MFSD8: variants seen among roughly 807,000 people sequenced by gnomAD.
MFSD8 encodes the protein major facilitator superfamily domain containing 8.
Under a neutral mutation model 66.4 loss-of-function variants are expected in MFSD8, and 55 were observed. The observed-to-expected ratio is 0.83, with a 90% CI of 0.67 to 1.04. The LOEUF is 1.04. Among genes scored for constraint, MFSD8 ranks in the 50% least tolerant of loss-of-function variants. The probability of loss-of-function intolerance (pLI) is 0.00; values close to 1 mark genes in which losing one functional copy is unlikely to be tolerated. For missense variants in MFSD8, 550 were observed against 627.6 expected, an observed-to-expected ratio of 0.88 and a Z score of 1.32; for synonymous variants, 202 against 212.8, an observed-to-expected ratio of 0.95 and a Z score of 0.44.
At chr4:127,954,597 C>A (rs1033406049) in intron 2 of MFSD8, among the ~76,000 whole-genome samples, 2 of 152,048 alleles carry the variant, frequency 1.3e-5, no homozygotes, top group African/African-American at 4.8e-5. Context: ...ACTTGGGCAA[C>A]AAAGCAAGAC....
intron 4 of MFSD8, among the ~76,000 whole-genome samples, chr4:127,942,939 T>C (rs1276283745): frequency 6.6e-6 from 1 of 152,076 alleles, no homozygotes; most frequent in East Asian, 1.9e-4. Context: ...AAAGTTTAGG[T>C]TGGGAATGGT....
At chr4:127,925,023 A>G (rs1174938472) in intron 9 of MFSD8, among the ~76,000 whole-genome samples, 1 of 152,222 alleles carries the variant, frequency 6.6e-6, no homozygotes, top group Non-Finnish European at 1.5e-5. Context: ...TGGTGTTGGG[A>G]AAACTGGCTA....
At chr4:127,939,182 AT>A (rs1739659199) in intron 6 of MFSD8, 2 of 167,452 alleles carry the variant, frequency 1.2e-5, no homozygotes, top group South Asian at 3.6e-4. Flanking sequence ...ATTTTAAAAA[AT>A]TTTTTCGAAT....
chr4:127,953,356 C>T (rs914008030), intron 2 of MFSD8, among the ~76,000 whole-genome samples: 23 of 151,330 alleles, frequency 1.5e-4, no homozygotes, highest in African/African-American at 5.1e-4. Context: ...GGCATGGTGC[C>T]GCATGCCTGT....
intron 9 of MFSD8, among the ~76,000 whole-genome samples, chr4:127,923,916 G>A (rs991965179): frequency 1.3e-5 from 2 of 151,992 alleles, no homozygotes; most frequent in South Asian, 2.1e-4. Flanking sequence ...TTTTCGCATC[G>A]ATGTTCATCA....
At chr4:127,947,192 T>A (rs1271950697) in intron 3 of MFSD8, among the ~76,000 whole-genome samples, 1 of 151,502 alleles carries the variant, frequency 6.6e-6, no homozygotes, top group Non-Finnish European at 1.5e-5. Context: ...GCGTTCGAGA[T>A]CAGCCTAGCC....
intron 2 of MFSD8, among the ~76,000 whole-genome samples, chr4:127,953,552 T>G (rs1742374996): frequency 2.9e-5 from 4 of 135,928 alleles, no homozygotes; most frequent in East Asian, 4.2e-4. Flanking sequence ...TGTTTTTTTT[T>G]TTTTTTTTTT....
chr4:127,939,655 C>CT lies in MFSD8; in HGVS notation c.698+197dup, dbSNP rs556274801. The CT allele has an allele frequency of 1.2e-3, 384 of 308,228 alleles. 2 individuals are homozygous for CT. Among genetic ancestry groups the CT allele is most frequent in the African/African-American group, 8.3e-3 (359 of 43,382 alleles). 19.1% of individuals were successfully genotyped at this position (308,228 alleles called of 1,614,324 possible). Reference sequence around the variant, plus strand: ...AAACTTTGAATCTTCAAAGACCTTCCTTTTCTGTTCTCATTTATCAGGTTG... The same window carrying CT: ...AAACTTTGAATCTTCAAAGACCTTCCTTTTTCTGTTCTCATTTATCAGGTTG... On this transcript the variant is annotated intron_variant, in intron 6 of 11. Coordinates refer to ENST00000641686, the MANE Select transcript of MFSD8 (RefSeq NM_001371596.2).
At chr4:127,926,096 G>A (rs1052245515) in intron 9 of MFSD8, among the ~76,000 whole-genome samples, 2 of 151,724 alleles carry the variant, frequency 1.3e-5, no homozygotes, top group Non-Finnish European at 2.9e-5. Context: ...GGGGTGGGGG[G>A]CTAGAGGAGG....
At chr4:127,928,918 G>A (rs11735635) in intron 9 of MFSD8, among the ~76,000 whole-genome samples, 1 of 151,892 alleles carries the variant, frequency 6.6e-6, no homozygotes, top group South Asian at 2.1e-4. Context: ...ACCATGAAAT[G>A]CCATCATTTG....
intron 8 of MFSD8, among the ~76,000 whole-genome samples, chr4:127,931,409 G>A (rs1738104612): frequency 6.6e-6 from 1 of 152,154 alleles, no homozygotes; most frequent in Non-Finnish European, 1.5e-5. Flanking sequence ...CTGGGCTGGA[G>A]TGCAGTGGCA....
chr4:127,935,223 T>C (rs1395331007), intron 7 of MFSD8, among the ~76,000 whole-genome samples: 3 of 152,192 alleles, frequency 2.0e-5, no homozygotes, highest in African/African-American at 7.2e-5. Context: ...CTATTTTGGA[T>C]AGACCTCTCT....
At chr4:127,941,694 T>C (rs1740221979) in intron 5 of MFSD8, among the ~76,000 whole-genome samples, 1 of 152,174 alleles carries the variant, frequency 6.6e-6, no homozygotes, top group Non-Finnish European at 1.5e-5. Context: ...ACTCCTGACC[T>C]CAGGTGATCT....
intron 1 of MFSD8, among the ~76,000 whole-genome samples, chr4:127,960,276 C>T (rs1743527266): frequency 6.6e-6 from 1 of 152,228 alleles, no homozygotes; most frequent in Non-Finnish European, 1.5e-5. Flanking sequence ...TGCCTGTAAT[C>T]CCAGCACTTT....
In MFSD8 at chr4:127,917,988, G is replaced by T. The variant is rs1175159898; in HGVS notation, c.*2642C>A. On this transcript the variant is annotated 3_prime_UTR_variant, in exon 12 of 12. Transcript: ENST00000641686. ...TCCTTGTCAAAACAAAAAATTAACA[G>T]ATTTCACTTTATGTAAGAGATAAGG... 6.6e-6 allele frequency: 1 copy of T among 152,140 alleles called. No homozygotes were observed. Among genetic ancestry groups the T allele is most frequent in the Non-Finnish European group, 1.5e-5 (1 of 68,012 alleles). 9.4% of individuals were successfully genotyped at this position (152,140 alleles called of 1,614,324 possible). A position where few individuals can be genotyped will look rare whatever the true frequency, so the allele number is the denominator to read the frequency against.
At chr4:127,935,926 C>T (rs1738994495) in intron 7 of MFSD8, among the ~76,000 whole-genome samples, 1 of 152,152 alleles carries the variant, frequency 6.6e-6, no homozygotes, top group African/African-American at 2.4e-5. Context: ...AGCATCACAT[C>T]ACATGGTAGT....
intron 1 of MFSD8, chr4:127,964,789 C>T: frequency 5.3e-6 from 3 of 566,356 alleles, no homozygotes; most frequent in East Asian, 3.0e-5. Context: ...TGCCAGCACG[C>T]TGTCACCTCT....
chr4:127,933,331 A>C, intron 7 of MFSD8: 1 of 362,072 alleles, frequency 2.8e-6, no homozygotes. Context: ...TGCAGCCTTG[A>C]CCTCCCCAGG....
intron 3 of MFSD8, among the ~76,000 whole-genome samples, chr4:127,948,476 T>C (rs1741440523): frequency 6.6e-6 from 1 of 152,206 alleles, no homozygotes; most frequent in African/African-American, 2.4e-5. Flanking sequence ...AAGTGTACTT[T>C]CCTTCTTTTC....
Sources: allele counts gnomAD v4.1 joint callset (sites outside exome capture counted in the v4.1 genomes callset), GRCh38; gene constraint gnomAD v4.1.1; transcripts MANE v1.5; gene names NCBI Gene and HGNC (gene_info 2026-07-23, HGNC 2026-07-21).